The following MAN1C1 variants were observed in gnomAD, a reference collection of about 807,000 sequenced individuals.
MAN1C1 encodes mannosidase alpha class 1C member 1.
MAN1C1 carries 49 observed loss-of-function variants against 71.5 expected under a neutral mutation model. The observed-to-expected ratio is 0.69, with a 90% CI of 0.54 to 0.87. MAN1C1 has a LOEUF of 0.87. Ranked by LOEUF, MAN1C1 falls within the 40% of genes least tolerant of loss-of-function variation. The pLI is 0.00. For missense variants in MAN1C1, 743 were observed against 835.0 expected (o/e 0.89, Z 1.36); for synonymous variants, 352 against 343.7 (o/e 1.02, Z -0.27).
At chr1:25,621,005 T>A (rs1451951212) in intron 1 of MAN1C1, among the ~76,000 whole-genome samples, 1 of 152,184 alleles carries the variant, frequency 6.6e-6, no homozygotes, top group African/African-American at 2.4e-5. Context: ...CCACAGAACA[T>A]GGGTTGGAGT....
At position 25,758,661 on chromosome 1, in the gene MAN1C1, A is replaced by G; in HGVS notation, c.999A>G (p.Glu333=). Residue 333 remains glutamate (E), a synonymous_variant, in exon 6 of 12, where the codon GAA becomes GAG. Transcript: ENST00000374332. ...ILAEFGSLHL[E]FLHLTELSGN... ...CGGAGTTTGGATCCCTGCACTTGGA[A>G]TTCTTACACCTCACTGAACTCTCTG... 1 of 1,614,188 alleles carries G rather than the reference A, an allele frequency of 6.2e-7. No individual in the cohort carries two copies. The highest frequency in any genetic ancestry group is 8.5e-7 in the Non-Finnish European group (1 of 1,180,016).
At chr1:25,741,719 G>A (rs1025433802) in intron 2 of MAN1C1, among the ~76,000 whole-genome samples, 4 of 152,344 alleles carry the variant, frequency 2.6e-5, no homozygotes, top group Middle Eastern at 3.4e-3. Context: ...GCTCTAAGCC[G>A]GACATCAGAG....
chr1:25,655,684 A>C (rs1370231646), intron 1 of MAN1C1, among the ~76,000 whole-genome samples: 1 of 151,902 alleles, frequency 6.6e-6, no homozygotes, highest in Non-Finnish European at 1.5e-5. Flanking sequence ...ATCGGCCTCT[A>C]ATTAGGGGTA....
At chr1:25,747,317 C>T (rs1434689377) in intron 3 of MAN1C1, among the ~76,000 whole-genome samples, 6 of 152,252 alleles carry the variant, frequency 3.9e-5, no homozygotes, top group Non-Finnish European at 7.3e-5. Context: ...TGCAGGCACA[C>T]TTGGTCAGGG....
chr1:25,763,789 C>T, intron 6 of MAN1C1, 85 bp from the exon 7 acceptor site: 1 of 1,085,460 alleles, frequency 9.2e-7, no homozygotes, highest in African/African-American at 1.5e-5. Flanking sequence ...TGCATCTGAA[C>T]CAGCTGCCTC....
intron 8 of MAN1C1, among the ~76,000 whole-genome samples, chr1:25,774,256 C>T (rs1250926259): frequency 6.6e-6 from 1 of 152,196 alleles, no homozygotes; most frequent in African/African-American, 2.4e-5. Flanking sequence ...TGGGCACACC[C>T]CTGAGTGTCA....
In MAN1C1 at chr1:25,716,541, G is replaced by A. The variant is rs546631815; in HGVS notation, c.637+30005G>A. On this transcript the variant is annotated intron_variant, in intron 2 of 11. Coordinates refer to ENST00000374332, the MANE Select transcript of MAN1C1 (RefSeq NM_020379.4). ...AGGATTCTGCCGTGTTGCCCAAGCTGTTCTCGAATTCCTAAGCTTGAGCAA... is the reference window on the plus strand; with the variant it reads ...AGGATTCTGCCGTGTTGCCCAAGCTATTCTCGAATTCCTAAGCTTGAGCAA... Among the ~76,000 whole-genome samples, 10 of 152,290 alleles carry A rather than the reference G, an allele frequency of 6.6e-5. No individual in the cohort carries two copies. In the East Asian group the frequency reaches 1.9e-3, roughly 29 times the overall value.
chr1:25,719,094 C>T (rs914106953), intron 2 of MAN1C1, among the ~76,000 whole-genome samples: 6 of 143,452 alleles, frequency 4.2e-5, no homozygotes, highest in South Asian at 4.4e-4. Flanking sequence ...ATTATTGAGA[C>T]GGAGTTTTGC....
chr1:25,740,483 T>C (rs1466474201), intron 2 of MAN1C1, among the ~76,000 whole-genome samples: 1 of 152,004 alleles, frequency 6.6e-6, no homozygotes, highest in Non-Finnish European at 1.5e-5. Context: ...GTCACCCAGG[T>C]TGAAGTGCAG....
intron 6 of MAN1C1, chr1:25,761,634 T>TTTTTTTTG: frequency 6.9e-6 from 1 of 145,400 alleles, no homozygotes; most frequent in African/African-American, 2.6e-5. Flanking sequence ...TTTTTTTTTT[T>TTTTTTTTG]TTTTTTTGAG....
chr1:25,689,465 C>T (rs1187928396), intron 2 of MAN1C1, among the ~76,000 whole-genome samples: 2 of 152,074 alleles, frequency 1.3e-5, no homozygotes, highest in Non-Finnish European at 2.9e-5. Context: ...AGAACCTGTT[C>T]GTAGGTAGTA....
intron 1 of MAN1C1, among the ~76,000 whole-genome samples, chr1:25,683,005 T>A (rs2046176200): frequency 6.9e-6 from 1 of 144,922 alleles, no homozygotes; most frequent in Non-Finnish European, 1.5e-5. Context: ...GCCACCGCAC[T>A]CCAGCCTGGA....
chr1:25,678,039 A>G (rs144617628), intron 1 of MAN1C1, among the ~76,000 whole-genome samples: 73 of 152,136 alleles, frequency 4.8e-4, no homozygotes, highest in African/African-American at 1.4e-3. Context: ...GAAAATTCAG[A>G]AAATATAGGT....
Position 25,781,074 on chromosome 1 carries a change from A to G in MAN1C1, c.1612A>G (p.Asn538Asp). The G allele has an allele frequency of 1.9e-6, 3 of 1,614,076 alleles. No homozygotes were observed. The highest frequency in any genetic ancestry group is 2.5e-6 in the Non-Finnish European group (3 of 1,180,004). The change falls in exon 10 of 12, where the codon AAC becomes GAC. Residue 538 changes from asparagine (N) to aspartate (D), a missense_variant. Coordinates refer to ENST00000374332, the MANE Select transcript of MAN1C1 (RefSeq NM_020379.4). The part of the protein sequence containing the change: ...SYMYLWRQTH[N>D]PIYREWGWEV... ...CATGTACCTGTGGCGACAGACCCAC[A>G]ACCCCATCTACAGGGAGTGGGGCTG...
At chr1:25,650,993 C>T (rs1188431062) in intron 1 of MAN1C1, among the ~76,000 whole-genome samples, 2 of 152,094 alleles carry the variant, frequency 1.3e-5, no homozygotes, top group African/African-American at 4.8e-5. Context: ...TAAGTAAGAA[C>T]TCCTCCAAGG....
intron 1 of MAN1C1, among the ~76,000 whole-genome samples, chr1:25,636,983 C>T (rs2124757464): frequency 6.6e-6 from 1 of 151,990 alleles, no homozygotes; most frequent in African/African-American, 2.4e-5. Context: ...AGTGAAACCC[C>T]ATCTCTACTA....
chr1:25,765,056 A>G (rs1161279706), intron 7 of MAN1C1, among the ~76,000 whole-genome samples: 1 of 152,108 alleles, frequency 6.6e-6, no homozygotes, highest in Non-Finnish European at 1.5e-5. Flanking sequence ...CCAAAAAAAA[A>G]CAAAAGACGT....
At position 25,617,796 on chromosome 1, in the gene MAN1C1, C is replaced by T; in HGVS notation, c.-2C>T. ...GCTTCTGGAGCCACCGGCCGGGCCACGATGCTCATGAGGAAAGTGCCCGGC... is the reference window on the plus strand; with the variant it reads ...GCTTCTGGAGCCACCGGCCGGGCCATGATGCTCATGAGGAAAGTGCCCGGC... On this transcript the variant is annotated 5_prime_UTR_variant, in exon 1 of 12. The change creates a new upstream start codon in the 5' untranslated region. Coordinates refer to ENST00000374332, the MANE Select transcript of MAN1C1 (RefSeq NM_020379.4). The surrounding 1 kb of genome is among the most constrained non-coding windows in gnomAD (Gnocchi z 5.1). The T allele has an allele frequency of 6.3e-7, 1 of 1,590,330 alleles. No individual in the cohort carries two copies. The highest frequency in any genetic ancestry group is 1.1e-5 in the South Asian group (1 of 88,308).
chr1:25,716,387 C>T (rs1048434791), intron 2 of MAN1C1, among the ~76,000 whole-genome samples: 3 of 152,184 alleles, frequency 2.0e-5, no homozygotes, highest in Admixed American at 2.0e-4. Flanking sequence ...GGTTGGAGTA[C>T]AGTGGCATGA....
Sources: gnomAD v4.1 joint callset for allele counts (sites outside exome capture counted in the v4.1 genomes callset) on GRCh38, gnomAD v4.1.1 for gene constraint, Gnocchi (gnomAD v3.1) non-coding constraint, MANE v1.5 for transcripts, NCBI Gene and HGNC (gene_info 2026-07-23, HGNC 2026-07-21) for gene names.